The following VEPH1 variants were observed in gnomAD, a reference collection of about 807,000 sequenced individuals.
VEPH1 encodes ventricular zone-expressed PH domain-containing protein homolog 1.
VEPH1 carries 80 observed loss-of-function variants against 85.2 expected under a neutral mutation model. That is an observed-to-expected ratio of 0.94 (90% CI 0.78 to 1.13). VEPH1 has a LOEUF of 1.13. Ranked by LOEUF, VEPH1 falls within the 50% of genes most tolerant of loss-of-function variation. The pLI is 0.00. For synonymous variants in VEPH1, 297 were observed against 348.0 expected, an observed-to-expected ratio of 0.85 and a Z score of 1.63; for missense variants, 955 against 980.5, an observed-to-expected ratio of 0.97 and a Z score of 0.35.
At chr3:157,434,679 ATTAT>A (rs1733416317) in intron 4 of VEPH1, among the ~76,000 whole-genome samples, 1 of 152,114 alleles carries the variant, frequency 6.6e-6, no homozygotes, top group Middle Eastern at 3.2e-3. Flanking sequence ...ATTTATGGTA[ATTAT>A]TGGTATATTT....
At position 157,365,069 on chromosome 3, in the gene VEPH1, G is replaced by A. The variant is rs1726485208; in HGVS notation, c.1128-557C>T. 2.0e-5 allele frequency among the ~76,000 whole-genome samples: 3 copies of A among 152,304 alleles called. No individual in the cohort carries two copies. In the South Asian group the frequency reaches 6.2e-4, roughly 32 times the overall value. Reference sequence around the variant, plus strand: ...AATATAGACCCAAATATCTTTTATAGTAGAGTTTATAAACCACTTTGTGGG... The same window carrying A: ...AATATAGACCCAAATATCTTTTATAATAGAGTTTATAAACCACTTTGTGGG... On this transcript the variant is annotated intron_variant, in intron 7 of 13. Transcript: ENST00000362010.
At chr3:157,440,066 C>T (rs1734002523) in intron 4 of VEPH1, among the ~76,000 whole-genome samples, 1 of 152,136 alleles carries the variant, frequency 6.6e-6, no homozygotes, top group South Asian at 2.1e-4. Flanking sequence ...TTTATAGAGA[C>T]TATATCAAAT....
At chr3:157,439,026 T>G (rs967462700) in intron 4 of VEPH1, among the ~76,000 whole-genome samples, 1 of 152,204 alleles carries the variant, frequency 6.6e-6, no homozygotes, top group Non-Finnish European at 1.5e-5. Context: ...CATTTAAAGT[T>G]ACAGAAACCA....
intron 9 of VEPH1, among the ~76,000 whole-genome samples, chr3:157,326,689 G>T (rs1210976244): frequency 6.6e-6 from 1 of 152,208 alleles, no homozygotes; most frequent in South Asian, 2.1e-4. Context: ...AGACAGAGAA[G>T]TGTAAAGCCA....
intron 9 of VEPH1, among the ~76,000 whole-genome samples, chr3:157,340,063 G>A (rs188418846): frequency 1.3e-5 from 2 of 152,318 alleles, no homozygotes; most frequent in East Asian, 3.9e-4. Flanking sequence ...TGGCCAAATA[G>A]GAACAGCTCC....
chr3:157,462,391 G>A (rs957904253), intron 3 of VEPH1, among the ~76,000 whole-genome samples: 8 of 152,016 alleles, frequency 5.3e-5, no homozygotes, highest in Non-Finnish European at 8.8e-5. Flanking sequence ...ATTGCATATT[G>A]TATGCATGCA....
chr3:157,485,434 T>C (rs1738529236), intron 2 of VEPH1, among the ~76,000 whole-genome samples: 2 of 152,138 alleles, frequency 1.3e-5, no homozygotes, highest in Non-Finnish European at 2.9e-5. Flanking sequence ...AAAATGTCTA[T>C]CTTAGAATTG....
At chr3:157,265,958 T>C (rs965375033) in intron 12 of VEPH1, among the ~76,000 whole-genome samples, 4 of 151,046 alleles carry the variant, frequency 2.6e-5, no homozygotes, top group African/African-American at 9.8e-5. Context: ...CTTTCTGTGC[T>C]TGGTTTCTTT....
chr3:157,500,875 G>T (rs1451475955), intron 1 of VEPH1, among the ~76,000 whole-genome samples: 1 of 152,110 alleles, frequency 6.6e-6, no homozygotes, highest in African/African-American at 2.4e-5. Context: ...GTAAATGTGG[G>T]CAGGTTAATT....
At chr3:157,333,227 T>C (rs1027603) in intron 9 of VEPH1, among the ~76,000 whole-genome samples, 105,019 of 152,012 alleles carry the variant, frequency 0.69, 36,521 homozygotes, top group East Asian at 0.78. Context: ...TTTTTGGTAT[T>C]CCCTAGGAAG....
intron 6 of VEPH1, 58 bp from the exon 7 acceptor site, chr3:157,381,434 G>T: frequency 6.4e-7 from 1 of 1,566,482 alleles, no homozygotes; most frequent in East Asian, 2.3e-5. Context: ...ATCCAGGCAT[G>T]GTGGTCATGC....
intron 12 of VEPH1, among the ~76,000 whole-genome samples, chr3:157,268,406 G>GA (rs1447129756): frequency 6.6e-6 from 1 of 151,954 alleles, no homozygotes; most frequent in African/African-American, 2.4e-5. Context: ...GAAAAAAGGG[G>GA]AAAAATAAGT....
intron 4 of VEPH1, chr3:157,437,487 T>C: frequency 3.1e-6 from 5 of 1,591,050 alleles, no homozygotes; most frequent in Non-Finnish European, 4.3e-6. Flanking sequence ...GGCGGGCTGC[T>C]AACGTGTGTG....
intron 11 of VEPH1, among the ~76,000 whole-genome samples, chr3:157,297,215 T>C (rs1718244952): frequency 6.6e-6 from 1 of 152,220 alleles, no homozygotes; most frequent in African/African-American, 2.4e-5. Context: ...ATGTAAATCT[T>C]TCTGAAATGA....
intron 9 of VEPH1, among the ~76,000 whole-genome samples, chr3:157,325,721 C>T (rs549982597): frequency 2.8e-4 from 43 of 152,222 alleles, no homozygotes; most frequent in Non-Finnish European, 4.9e-4. Context: ...GTACAAGTAC[C>T]ATGCTGTTTG....
intron 2 of VEPH1, among the ~76,000 whole-genome samples, chr3:157,494,297 C>T (rs1739473996): frequency 6.6e-6 from 1 of 152,148 alleles, no homozygotes; most frequent in African/African-American, 2.4e-5. Context: ...TATTGTATGG[C>T]TTGAGTCCCA....
chr3:157,384,194 T>C (rs1302310646), intron 6 of VEPH1, among the ~76,000 whole-genome samples: 1 of 152,104 alleles, frequency 6.6e-6, no homozygotes, highest in Non-Finnish European at 1.5e-5. Flanking sequence ...GGGGAGCCAA[T>C]GGTAAATAGT....
At chr3:157,478,078 G>T (rs1254020418) in intron 2 of VEPH1, among the ~76,000 whole-genome samples, 1 of 152,158 alleles carries the variant, frequency 6.6e-6, no homozygotes, top group Admixed American at 6.5e-5. Context: ...CTGTTGGTTT[G>T]TAGCCAAGTC....
chr3:157,336,227 G>T (rs988588), intron 9 of VEPH1, among the ~76,000 whole-genome samples: 2 of 151,970 alleles, frequency 1.3e-5, no homozygotes, highest in African/African-American at 4.8e-5. Context: ...TGTCTAAGTC[G>T]TCTGAATACC....
Sources: gnomAD v4.1 joint callset for allele counts (sites outside exome capture counted in the v4.1 genomes callset) on GRCh38, gnomAD v4.1.1 for gene constraint, MANE v1.5 for transcripts, NCBI Gene and HGNC (gene_info 2026-07-23, HGNC 2026-07-21) for gene names.